The following MAP4K2 variants were observed in gnomAD, a reference collection of about 807,000 sequenced individuals.
MAP4K2 encodes mitogen-activated protein kinase kinase kinase kinase 2.
Under a neutral mutation model 125.3 loss-of-function variants are expected in MAP4K2, and 85 were observed. The ratio of observed to expected loss-of-function variants is 0.68; its 90% CI spans 0.57 to 0.81. The LOEUF is 0.81. Ranked by LOEUF, MAP4K2 falls within the 40% of genes least tolerant of loss-of-function variation. MAP4K2 has a pLI of 0.00. For synonymous variants in MAP4K2, 479 were observed against 445.1 expected (o/e 1.08, Z -0.96); for missense variants, 923 against 1,056.4 (o/e 0.87, Z 1.75).
intron 10 of MAP4K2, 67 bp downstream of exon 10, chr11:64,800,697 C>T: frequency 6.5e-7 from 1 of 1,546,602 alleles, no homozygotes; most frequent in Non-Finnish European, 8.7e-7. Flanking sequence ...CGGGAGTTGG[C>T]AGAGGCTGTT....
Position 64,799,666 on chromosome 11 carries a change from T to C in MAP4K2, c.933A>G (p.Pro311=), listed in dbSNP as rs1941041751. ...GCTGCCCCCGGGAGTGAATGGTGTC[T>C]GGAAACATGTCATAGGTCTAAGGAA... is the stretch of plus-strand genomic sequence containing the variant. ...DCELETYDMF[P]DTIHSRGQHG... is the part of the protein sequence containing the mutation. The change falls in exon 13 of 32, where the codon CCA becomes CCG. Residue 311 remains proline, a synonymous_variant. Transcript: ENST00000294066. 1.2e-6 allele frequency: 2 copies of C among 1,613,744 alleles called. No homozygotes were observed. Among genetic ancestry groups the C allele is most frequent in the East Asian group, 2.2e-5 (1 of 44,886 alleles).
Position 64,803,207 on chromosome 11 carries a change from G to GGCGGC in MAP4K2, c.-63_-59dup, listed in dbSNP as rs1941362062. On this transcript the variant is annotated 5_prime_UTR_variant, in exon 1 of 32. Coordinates refer to ENST00000294066, the MANE Select transcript of MAP4K2 (RefSeq NM_004579.5). ...GGCGCGAGCTGCGGAGCCGGCGCGG[G>GGCGGC]GCGGCGCGGGGCGGGGCGGGCGCCC... The GGCGGC allele has an allele frequency of 4.1e-6, 3 of 730,756 alleles. No individual in the cohort carries two copies. The highest frequency in any genetic ancestry group is 1.9e-5 in the African/African-American group (1 of 51,512). 45.3% of individuals were successfully genotyped at this position (730,756 alleles called of 1,614,324 possible).
intron 5 of MAP4K2, 96 bp from the exon 6 acceptor site, chr11:64,801,853 T>G: frequency 7.5e-7 from 1 of 1,327,806 alleles, no homozygotes; most frequent in Non-Finnish European, 1.1e-6. Context: ...TCAGGCTGCT[T>G]CTTCCTCCCC....
Position 64,792,011 on chromosome 11 carries a change from C to G in MAP4K2, c.1990G>C (p.Val664Leu). 1 of 1,598,770 alleles carries G rather than the reference C, an allele frequency of 6.3e-7. No homozygotes were observed. Among genetic ancestry groups the G allele is most frequent in the Non-Finnish European group, 8.5e-7 (1 of 1,173,348 alleles). The part of the protein sequence containing the change: ...LVLDGKELPQ[V>L]CVGAEGPEGP... ...TCAGGCCCCTCGGCCCCAACACACA[C>G]CTGCGGCAGCTCCTTCCCATCCAGC... is the stretch of plus-strand genomic sequence containing the variant. Residue 664 changes from valine (V) to leucine (L), a missense_variant, in exon 27 of 32, where the codon GTG becomes CTG. Transcript: ENST00000294066.
rs1250297689 is a variant in MAP4K2 at position 64,797,037 on chromosome 11, A to C, written c.1366-14T>G. On this transcript the variant is annotated splice_polypyrimidine_tract_variant and intron_variant, in intron 19 of 31. Coordinates refer to ENST00000294066, the MANE Select transcript of MAP4K2 (RefSeq NM_004579.5). The stretch of plus-strand genomic sequence containing the variant: ...GCAGGATGACCTCTGGGAGGGAGGA[A>C]AGGAGTCAGGGCTGATATGACAGCT... 1 of 1,614,036 alleles carries C rather than the reference A, an allele frequency of 6.2e-7. No homozygotes were observed. Among genetic ancestry groups the C allele is most frequent in the Non-Finnish European group, 8.5e-7 (1 of 1,179,976 alleles).
At position 64,785,051 on chromosome 11, in the gene MAP4K2, A is replaced by G. The variant is rs1275548315; in HGVS notation, c.*4486T>C. On this transcript the variant is annotated 3_prime_UTR_variant, in exon 32 of 32. Coordinates refer to ENST00000294066, the MANE Select transcript of MAP4K2 (RefSeq NM_004579.5). ...CTACTTGGCAATAAAAAGGAATAAA[A>G]TATTAATGCATGCAACAGGGATGAC... is the stretch of plus-strand genomic sequence containing the variant. 2.0e-5 allele frequency: 3 copies of G among 152,256 alleles called. No homozygotes were observed. The highest frequency in any genetic ancestry group is 2.9e-5 in the Non-Finnish European group (2 of 68,056). 9.4% of individuals were successfully genotyped at this position (152,256 alleles called of 1,614,324 possible). A position where few individuals can be genotyped will look rare whatever the true frequency, so the allele number is the denominator to read the frequency against.
intron 31 of MAP4K2, 33 bp downstream of exon 31, chr11:64,789,697 A>T: frequency 6.2e-7 from 1 of 1,613,862 alleles, no homozygotes; most frequent in Non-Finnish European, 8.5e-7. Flanking sequence ...CCTCAGGGGC[A>T]TCTGAAGGGG....
At chr11:64,801,227 C>A in intron 7 of MAP4K2, 44 bp from the exon 8 acceptor site, 1 of 1,596,058 alleles carries the variant, frequency 6.3e-7, no homozygotes, top group Non-Finnish European at 8.5e-7. Context: ...CTGGCTGCCA[C>A]TCACCCTCCC....
In MAP4K2 at chr11:64,802,933, T is replaced by G; in HGVS notation, c.106A>C (p.Thr36Pro). ...TYGDVYKARD[T>P]VTSELAAVKI... is the part of the protein sequence containing the mutation. ...ACGGCGGCCAGTTCGGACGTGACCGTGTCGCGGGCCTGCAGGGGCGGAGGG... is the reference window on the plus strand; with the variant it reads ...ACGGCGGCCAGTTCGGACGTGACCGGGTCGCGGGCCTGCAGGGGCGGAGGG... Residue 36 changes from threonine to proline, a missense_variant, in exon 2 of 32, where the codon ACG becomes CCG. Physicochemically the swap from Thr to Pro is conservative, Grantham distance 38. Transcript: ENST00000294066. 2 of 1,585,856 alleles carry G rather than the reference T, an allele frequency of 1.3e-6. No individual in the cohort carries two copies. Among genetic ancestry groups the G allele is most frequent in the Non-Finnish European group, 1.7e-6 (2 of 1,166,868 alleles).
At chr11:64,798,900 T>C in intron 14 of MAP4K2, 63 bp from the exon 15 acceptor site, 1 of 1,371,780 alleles carries the variant, frequency 7.3e-7, no homozygotes, top group South Asian at 1.4e-5. Flanking sequence ...GAGAGGGCGC[T>C]CAAGAGATTC....
chr11:64,797,754 G>A (rs1397150124), intron 15 of MAP4K2, 90 bp from the exon 16 acceptor site: 36 of 1,241,704 alleles, frequency 2.9e-5, no homozygotes, highest in African/African-American at 1.5e-4. Context: ...CACCCAGGCC[G>A]GAGTGCAGTG....
At chr11:64,800,876 G>C in intron 9 of MAP4K2, 24 bp downstream of exon 9, 1 of 1,613,996 alleles carries the variant, frequency 6.2e-7, no homozygotes, top group Non-Finnish European at 8.5e-7. Context: ...CAAGGGTCAG[G>C]TGAGGGGCAA....
At position 64,789,714 on chromosome 11, in the gene MAP4K2, G is replaced by C; in HGVS notation, c.2375+16C>G. 1 of 1,614,030 alleles carries C rather than the reference G, an allele frequency of 6.2e-7. No homozygotes were observed. The highest frequency in any genetic ancestry group is 8.5e-7 in the Non-Finnish European group (1 of 1,179,932). On this transcript the variant is annotated intron_variant, in intron 31 of 31. Transcript: ENST00000294066. ...TCAGGGGCATCTGAAGGGGAGGCTA[G>C]GGTACCACCGCCTACCTGTGGGCCC...
chr11:64,802,933 T>C lies in MAP4K2; in HGVS notation c.106A>G (p.Thr36Ala), dbSNP rs1319586311. The stretch of plus-strand genomic sequence containing the variant: ...ACGGCGGCCAGTTCGGACGTGACCG[T>C]GTCGCGGGCCTGCAGGGGCGGAGGG... ...TYGDVYKARD[T>A]VTSELAAVKI... Residue 36 changes from threonine (T) to alanine (A), a missense_variant, in exon 2 of 32, where the codon ACG becomes GCG. By Grantham distance (58) the Thr-to-Ala change is moderately conservative. This residue lies in a region of MAP4K2 where 833 missense variants were observed against 911.4 expected (regional missense o/e 0.91). Transcript: ENST00000294066. 1 of 1,585,856 alleles carries C rather than the reference T, an allele frequency of 6.3e-7. No homozygotes were observed. The highest frequency in any genetic ancestry group is 1.7e-4 in the Middle Eastern group (1 of 5,716).
At chr11:64,791,498 C>T (rs931833233) in intron 27 of MAP4K2, among the ~76,000 whole-genome samples, 12 of 152,260 alleles carry the variant, frequency 7.9e-5, no homozygotes, top group African/African-American at 2.2e-4. Context: ...CCTCCCACCT[C>T]AGCCCAAGTA....
chr11:64,802,954 G>A lies in MAP4K2; in HGVS notation c.97-12C>T. The stretch of plus-strand genomic sequence containing the variant: ...ACCGTGTCGCGGGCCTGCAGGGGCG[G>A]AGGGTGAAGCGGGATGGGGGGCGGG... On this transcript the variant is annotated splice_polypyrimidine_tract_variant and intron_variant, in intron 1 of 31. Coordinates refer to ENST00000294066, the MANE Select transcript of MAP4K2 (RefSeq NM_004579.5). 2 of 1,570,244 alleles carry A rather than the reference G, an allele frequency of 1.3e-6. No individual in the cohort carries two copies.
At chr11:64,791,777 G>T in intron 27 of MAP4K2, 132 bp downstream of exon 27, 1 of 961,806 alleles carries the variant, frequency 1.0e-6, no homozygotes. Context: ...ACCCCACATG[G>T]CAGCCCTCAA....
At chr11:64,799,057 G>C (rs1565621150) in intron 14 of MAP4K2, among the ~76,000 whole-genome samples, 1 of 152,202 alleles carries the variant, frequency 6.6e-6, no homozygotes, top group Non-Finnish European at 1.5e-5. Flanking sequence ...AGGCTGGGGG[G>C]TGAGGAGAGA....
chr11:64,791,724 G>A (rs1349497798), intron 27 of MAP4K2, among the ~76,000 whole-genome samples, 185 bp downstream of exon 27: 1 of 152,200 alleles, frequency 6.6e-6, no homozygotes, highest in African/African-American at 2.4e-5. Context: ...CCCTTTTATG[G>A]AAGCCCAGGT....
Sources: gnomAD v4.1 joint callset for allele counts (sites outside exome capture counted in the v4.1 genomes callset) on GRCh38, gnomAD v4.1.1 for gene constraint, gnomAD v4.1.1 regional missense constraint, MANE v1.5 for transcripts, NCBI Gene and HGNC (gene_info 2026-07-23, HGNC 2026-07-21) for gene names.